Variants in PARP1 observed in about 807,000 individuals in gnomAD.
PARP1 encodes poly(ADP-ribose) polymerase 1, also known as poly [ADP-ribose] polymerase 1.
PARP1 carries 44 observed loss-of-function variants against 118.7 expected under a neutral mutation model. The observed-to-expected ratio is 0.37, with a 90% CI of 0.29 to 0.48. PARP1 has a LOEUF of 0.48. Ranked by LOEUF, PARP1 falls within the 20% of genes least tolerant of loss-of-function variation. The pLI is 0.99. For missense variants in PARP1, 1,100 were observed against 1,272.4 expected (o/e 0.86, Z 2.06); for synonymous variants, 492 against 483.2 (o/e 1.02, Z -0.24).
At position 226,365,133 on chromosome 1, in the gene PARP1, C is replaced by T. The variant is rs557105429; in HGVS notation, c.2527G>A (p.Gly843Ser). ...AAGGGCTTGTAACGCTGGCATTCGC[C>T]TTCACGCTCTATCTTAAAGATCTGG... Reference protein sequence around the residue: ...VIDIFKIEREGECQRYKPFKQ... With the variant: ...VIDIFKIERESECQRYKPFKQ... The change falls in exon 19 of 23, where the codon GGC becomes AGC. Residue 843 changes from glycine (G) to serine (S), a missense_variant. By Grantham distance (56) the Gly-to-Ser change is moderately conservative. Transcript: ENST00000366794. 17 of 1,614,216 alleles carry T rather than the reference C, an allele frequency of 1.1e-5. No individual in the cohort carries two copies. The African/African-American group carries it at 2.1e-4, about 20-fold the overall frequency.
At chr1:226,407,612 T>C (rs1225398625) in intron 1 of PARP1, among the ~76,000 whole-genome samples, 198 bp downstream of exon 1, 1 of 151,978 alleles carries the variant, frequency 6.6e-6, no homozygotes, top group Non-Finnish European at 1.5e-5. Flanking sequence ...GGGCTTTTCC[T>C]GCAACATCAG....
In PARP1 at chr1:226,370,506, C is replaced by T. The variant is rs13306138; in HGVS notation, c.2082G>A (p.Gln694=). 294 of 1,613,790 alleles carry T rather than the reference C, an allele frequency of 1.8e-4. 1 individual carries two copies. The East Asian group carries it at 5.4e-3, about 30-fold the overall frequency. The part of the protein sequence containing the change: ...KAMVEYEIDL[Q]KMPLGKLSKR... ...TGCTCAGCTTCCCCAAGGGCATCTT[C>T]TGAAGGTCGATCTGAGGAGACAGGG... Residue 694 remains glutamine (Q), a synonymous_variant, in exon 15 of 23, where the codon CAG becomes CAA. Coordinates refer to ENST00000366794, the MANE Select transcript of PARP1 (RefSeq NM_001618.4).
chr1:226,364,297 C>T, intron 19 of PARP1: 1 of 506,414 alleles, frequency 2.0e-6, no homozygotes, highest in Non-Finnish European at 3.7e-6. Flanking sequence ...TACGTAACCT[C>T]TCTGGACTCT....
chr1:226,367,647 G>A (rs3219123), intron 16 of PARP1, 39 bp from the exon 17 acceptor site: 82,373 of 1,611,774 alleles, frequency 0.051, 2,511 homozygotes, highest in Middle Eastern at 0.097. Flanking sequence ...TAGGTATCAT[G>A]GTGAATGAGA....
intron 13 of PARP1, among the ~76,000 whole-genome samples, chr1:226,375,210 C>CT (rs1232915052): frequency 2.0e-5 from 3 of 152,228 alleles, no homozygotes; most frequent in Admixed American, 6.5e-5. Context: ...TAGACCTACT[C>CT]TCAGTGTTGA....
At chr1:226,387,280 C>T (rs908084874) in intron 5 of PARP1, among the ~76,000 whole-genome samples, 6 of 152,144 alleles carry the variant, frequency 3.9e-5, no homozygotes, top group African/African-American at 9.7e-5. Flanking sequence ...CCACTGCACC[C>T]GGCCTCATCT....
At chr1:226,375,491 G>A (rs1244100794) in intron 13 of PARP1, among the ~76,000 whole-genome samples, 5 of 152,190 alleles carry the variant, frequency 3.3e-5, no homozygotes, top group Admixed American at 6.5e-5. Context: ...GGGATTCAAT[G>A]CAGCCTTAAA....
intron 2 of PARP1, among the ~76,000 whole-genome samples, chr1:226,394,181 T>C (rs978961914): frequency 1.3e-5 from 2 of 152,134 alleles, no homozygotes; most frequent in Non-Finnish European, 2.9e-5. Context: ...ACCTCCTCCA[T>C]TTAAGGAAGA....
intron 18 of PARP1, among the ~76,000 whole-genome samples, 159 bp downstream of exon 18, chr1:226,365,785 CAAACAAACAA>C (rs1558233401): frequency 3.4e-5 from 5 of 148,088 alleles, no homozygotes; most frequent in African/African-American, 1.3e-4. Context: ...AAACAAAAAA[CAAACAAACAA>C]AAAAAAAACT....
chr1:226,379,887 T>A (rs755473092), intron 10 of PARP1, 35 bp downstream of exon 10: 1 of 1,612,464 alleles, frequency 6.2e-7, no homozygotes, highest in Non-Finnish European at 8.5e-7. Flanking sequence ...TGTCCCTGGC[T>A]TTTGGCCCTG....
At chr1:226,385,117 T>C (rs1313118280) in intron 7 of PARP1, among the ~76,000 whole-genome samples, 3 of 152,342 alleles carry the variant, frequency 2.0e-5, no homozygotes, top group Middle Eastern at 3.4e-3. Flanking sequence ...CCAATTCTCC[T>C]GCTAGCACTA....
chr1:226,405,440 A>C (rs2695243), intron 1 of PARP1, among the ~76,000 whole-genome samples: 26,194 of 151,940 alleles, frequency 0.17, 2,819 homozygotes, highest in East Asian at 0.43. Context: ...AGTAGCTGGG[A>C]CTTAACAGGC....
At chr1:226,404,189 C>T (rs1299433228) in intron 1 of PARP1, among the ~76,000 whole-genome samples, 1 of 152,164 alleles carries the variant, frequency 6.6e-6, no homozygotes, top group Non-Finnish European at 1.5e-5. Flanking sequence ...ACAGAGGGCA[C>T]GCAGTGTTTG....
At position 226,367,553 on chromosome 1, in the gene PARP1, A is replaced by G; in HGVS notation, c.2333T>C (p.Leu778Pro). 1.2e-6 allele frequency: 2 copies of G among 1,614,170 alleles called. No homozygotes were observed. Among genetic ancestry groups the G allele is most frequent in the Non-Finnish European group, 1.7e-6 (2 of 1,180,024 alleles). Reference protein sequence around the residue: ...LLDIEVAYSLLRGGSDDSSKD... With the variant: ...LLDIEVAYSLPRGGSDDSSKD... ...GCTGCTATCATCAGACCCTCCCCTGAGCAGACTGTAGGCCACCTCGATGTC... is the reference window on the plus strand; with the variant it reads ...GCTGCTATCATCAGACCCTCCCCTGGGCAGACTGTAGGCCACCTCGATGTC... Residue 778 changes from leucine to proline, a missense_variant, in exon 17 of 23, where the codon CTC becomes CCC. This residue lies in a region of PARP1 where 948 missense variants were observed against 1,031.8 expected (regional missense o/e 0.92). Transcript: ENST00000366794.
At position 226,367,325 on chromosome 1, in the gene PARP1, CAATGTCCGGG is replaced by C. The variant is rs1293719689; in HGVS notation, c.2406+145_2406+154del. 4 of 880,212 alleles carry C rather than the reference CAATGTCCGGG, an allele frequency of 4.5e-6. No individual in the cohort carries two copies. The African/African-American group carries it at 6.6e-5, about 14-fold the overall frequency. 54.5% of individuals were successfully genotyped at this position (880,212 alleles called of 1,614,324 possible). On this transcript the variant is annotated intron_variant, in intron 17 of 22. Coordinates refer to ENST00000366794, the MANE Select transcript of PARP1 (RefSeq NM_001618.4). ...AAGGTTCTCAAAGGACCACCAGCAG[CAATGTCCGGG>C]AACTTGTTAGAAAAGTGAATTATTG...
chr1:226,393,943 G>C (rs1006827893), intron 2 of PARP1, among the ~76,000 whole-genome samples: 1 of 152,124 alleles, frequency 6.6e-6, no homozygotes, highest in Non-Finnish European at 1.5e-5. Context: ...AAACTTTAAT[G>C]AGGCAAAAAA....
At chr1:226,372,872 C>T (rs1223463989) in intron 14 of PARP1, among the ~76,000 whole-genome samples, 2 of 152,198 alleles carry the variant, frequency 1.3e-5, no homozygotes, top group Non-Finnish European at 2.9e-5. Context: ...ACCTCTCAAC[C>T]TTTCCCTCCA....
At chr1:226,405,689 G>A (rs1033005463) in intron 1 of PARP1, among the ~76,000 whole-genome samples, 3 of 152,138 alleles carry the variant, frequency 2.0e-5, no homozygotes, top group African/African-American at 7.2e-5. Context: ...CTCCACAGCG[G>A]TGTTGTTCTA....
At chr1:226,400,478 G>C (rs1665012842) in intron 2 of PARP1, among the ~76,000 whole-genome samples, 1 of 152,188 alleles carries the variant, frequency 6.6e-6, no homozygotes, top group South Asian at 2.1e-4. Context: ...AAAATTACAC[G>C]TACTGGATGT....
Sources: gnomAD v4.1 joint callset for allele counts (sites outside exome capture counted in the v4.1 genomes callset) on GRCh38, gnomAD v4.1.1 for gene constraint, gnomAD v4.1.1 regional missense constraint, MANE v1.5 for transcripts, NCBI Gene and HGNC (gene_info 2026-07-23, HGNC 2026-07-21) for gene names.